PUDP: variants seen among roughly 807,000 people sequenced by gnomAD.
PUDP encodes pseudouridine 5'-phosphatase.
PUDP carries 8 observed loss-of-function variants against 9.4 expected under a neutral mutation model. The observed-to-expected ratio is 0.85, with a 90% CI of 0.50 to 1.53. PUDP has a LOEUF of 1.53. PUDP is among the 40% of genes most tolerant of loss of function. The probability of loss-of-function intolerance (pLI) is 0.00; values close to 1 mark genes in which losing one functional copy is unlikely to be tolerated. For missense variants in PUDP, 188 were observed against 189.7 expected (o/e 0.99, Z 0.05); for synonymous variants, 99 against 80.7 (o/e 1.23, Z -1.22).
At chrX:7,053,524 T>G (rs1930159064) in intron 3 of PUDP, among the ~76,000 whole-genome samples, 2 of 111,935 alleles carry the variant, frequency 1.8e-5, no homozygotes, top group African/African-American at 6.5e-5. Context: ...CTGATGGTTT[T>G]ATAAGGGGAA....
chrX:6,719,986 C>T (rs765813026), intron 1 of PUDP, among the ~76,000 whole-genome samples: 3 of 109,091 alleles, frequency 2.8e-5, no homozygotes, highest in African/African-American at 1.0e-4. Flanking sequence ...ACAAGATCAG[C>T]GTCTCAAAGA....
intron 2 of PUDP, among the ~76,000 whole-genome samples, chrX:7,096,453 G>A (rs1931574582): frequency 9.0e-6 from 1 of 110,930 alleles, no homozygotes; most frequent in Non-Finnish European, 1.9e-5. Context: ...CCAGGGAGTA[G>A]GAGAGTGGGA....
chrX:7,011,377 C>T (rs927604639), intron 1 of PUDP, among the ~76,000 whole-genome samples: 5 of 111,719 alleles, frequency 4.5e-5, no homozygotes, highest in African/African-American at 1.3e-4. Context: ...TGCAGGATGA[C>T]GAACAGCATT....
At chrX:6,718,853 C>T (rs1924629920) in intron 1 of PUDP, among the ~76,000 whole-genome samples, 1 of 111,915 alleles carries the variant, frequency 8.9e-6, no homozygotes, top group Non-Finnish European at 1.9e-5. Flanking sequence ...AAGATAGCTA[C>T]AGGGCAAAGA....
At chrX:6,736,624 G>C (rs140403066) in intron 3 of PUDP, among the ~76,000 whole-genome samples, 1 of 112,014 alleles carries the variant, frequency 8.9e-6, no homozygotes, top group East Asian at 2.8e-4. Flanking sequence ...CTGGTAGACT[G>C]GATAAAGAAA....
chrX:6,790,077 A>G (rs12400678), intron 3 of PUDP, among the ~76,000 whole-genome samples: 23,131 of 110,334 alleles, frequency 0.21, 1,834 homozygotes, highest in Admixed American at 0.28. Context: ...TAGAGACAGA[A>G]GATATATAGA....
At chrX:7,066,807 G>A (rs1221113158) in intron 3 of PUDP, among the ~76,000 whole-genome samples, 6 of 112,115 alleles carry the variant, frequency 5.4e-5, no homozygotes, top group Non-Finnish European at 1.1e-4. Context: ...GCTATTAGAT[G>A]TTTTTTGCTG....
intron 1 of PUDP, among the ~76,000 whole-genome samples, chrX:7,109,036 G>A (rs1300106644): frequency 8.9e-6 from 1 of 111,987 alleles, no homozygotes; most frequent in African/African-American, 3.3e-5. Context: ...CGAAGTTCAA[G>A]TAACAACCTG....
At chrX:6,835,083 G>A (rs1022912925) in intron 3 of PUDP, among the ~76,000 whole-genome samples, 3 of 111,236 alleles carry the variant, frequency 2.7e-5, no homozygotes, top group African/African-American at 9.8e-5. Context: ...TTGTTTGAGG[G>A]AAGACCAGAG....
At chrX:7,045,987 CTG>C (rs1289194674), downstream of PUDP, among the ~76,000 whole-genome samples, 1 of 112,517 alleles carries the variant, frequency 8.9e-6, no homozygotes, top group Non-Finnish European at 1.9e-5. Flanking sequence ...AATACAGACA[CTG>C]TGAGACAAAC....
chrX:6,745,434 A>G (rs950112741), intron 3 of PUDP, among the ~76,000 whole-genome samples: 19 of 112,019 alleles, frequency 1.7e-4, no homozygotes, highest in African/African-American at 5.8e-4. Flanking sequence ...ATTGCTCCCA[A>G]TGGAAATGAA....
chrX:6,784,095 A>G (rs1245928772), intron 3 of PUDP, among the ~76,000 whole-genome samples: 1 of 111,623 alleles, frequency 9.0e-6, no homozygotes, highest in Non-Finnish European at 1.9e-5. Context: ...ACCCCAAAAT[A>G]CATTTCACAG....
intron 3 of PUDP, among the ~76,000 whole-genome samples, chrX:7,064,059 G>A (rs1930479473): frequency 8.9e-6 from 1 of 111,818 alleles, no homozygotes; most frequent in African/African-American, 3.3e-5. Context: ...TAATCATGAC[G>A]ACTGTTTACT....
chrX:6,886,072 G>A (rs1007004149), intron 3 of PUDP, among the ~76,000 whole-genome samples: 1 of 111,987 alleles, frequency 8.9e-6, no homozygotes, highest in African/African-American at 3.2e-5. Flanking sequence ...ACGGTTCCCT[G>A]GCCATCTGCA....
chrX:6,882,276 C>G (rs34039211), intron 3 of PUDP, among the ~76,000 whole-genome samples: 10,236 of 110,958 alleles, frequency 0.092, 603 homozygotes, highest in East Asian at 0.46. Context: ...GCGGTTTTTG[C>G]CATTACTTTC....
intron 1 of PUDP, among the ~76,000 whole-genome samples, chrX:6,990,903 C>G (rs183619159): frequency 1.4e-3 from 162 of 112,362 alleles, no homozygotes; most frequent in African/African-American, 4.6e-3. Context: ...TTATTTGTTA[C>G]AGAGTCCTGG....
At chrX:6,941,089 A>C (rs1272521466) in intron 3 of PUDP, among the ~76,000 whole-genome samples, 2 of 111,366 alleles carry the variant, frequency 1.8e-5, no homozygotes, top group South Asian at 3.8e-4. Context: ...AGATGTTATA[A>C]TGCTACAATA....
chrX:6,734,444 C>G (rs1484027788), intron 3 of PUDP, among the ~76,000 whole-genome samples: 2 of 111,896 alleles, frequency 1.8e-5, no homozygotes, highest in Non-Finnish European at 3.8e-5. Flanking sequence ...TCACATTGTG[C>G]CTCATAAACA....
chrX:6,834,385 G>C (rs913101058), intron 3 of PUDP, among the ~76,000 whole-genome samples: 1 of 111,420 alleles, frequency 9.0e-6, no homozygotes, highest in South Asian at 3.8e-4. Flanking sequence ...CTGAGGACCT[G>C]GTTCCTAAGT....
Sources: allele counts gnomAD v4.1 joint callset (sites outside exome capture counted in the v4.1 genomes callset), GRCh38; gene constraint gnomAD v4.1.1; transcripts MANE v1.5; gene names NCBI Gene and HGNC (gene_info 2026-07-23, HGNC 2026-07-21).